NEBL: variants seen among roughly 807,000 people sequenced by gnomAD.
NEBL encodes the protein nebulette.
NEBL carries 122 observed loss-of-function variants against 140.2 expected under a neutral mutation model. The ratio of observed to expected loss-of-function variants is 0.87; its 90% CI spans 0.75 to 1.01. The LOEUF (loss-of-function observed/expected upper bound fraction) is 1.01, where lower values mean the gene tolerates loss of function less well. Ranked by LOEUF, NEBL falls within the 50% of genes least tolerant of loss-of-function variation. The probability of loss-of-function intolerance (pLI) is 0.00; values close to 1 mark genes in which losing one functional copy is unlikely to be tolerated. For synonymous variants in NEBL, 436 were observed against 398.9 expected, an observed-to-expected ratio of 1.09 and a Z score of -1.11; for missense variants, 1,365 against 1,231.3, an observed-to-expected ratio of 1.11 and a Z score of -1.62.
At chr10:20,957,572 C>G (rs576745650) in intron 4 of NEBL, among the ~76,000 whole-genome samples, 7 of 152,076 alleles carry the variant, frequency 4.6e-5, no homozygotes, top group African/African-American at 1.7e-4. Context: ...AGACATTAGT[C>G]TATACTGATC....
In NEBL at chr10:20,997,471, TAAAAAAAAAAAAAAAAAAAAAAAAAAAA is replaced by T. The variant is rs55712388; in HGVS notation, c.249+22618_249+22645del. On this transcript the variant is annotated intron_variant, in intron 3 of 6. Transcript: ENST00000417816. ...ACACCAAATAAACGCACAGTCTCAGTAAAAAAAAAAAAAAAAAAAAAAAAAAAAAAAAAAAAAAAAAAACAGAACTCCT... is the reference window on the plus strand; with the variant it reads ...ACACCAAATAAACGCACAGTCTCAGTAAAAAAAAAAAAAAACAGAACTCCT... Among the ~76,000 whole-genome samples the T allele has an allele frequency of 8.3e-4, 21 of 25,178 alleles. No homozygotes were observed. The South Asian group carries it at 0.019, about 22-fold the overall frequency. The allele number at this position is 25,178 out of a possible 152,430, so 16.5% of individuals were successfully genotyped here.
intron 3 of NEBL, among the ~76,000 whole-genome samples, chr10:21,198,114 T>C (rs544837726): frequency 6.6e-6 from 1 of 152,242 alleles, no homozygotes; most frequent in South Asian, 2.1e-4. Flanking sequence ...TGTAGCATCA[T>C]ACCTTACAGT....
chr10:21,042,171 C>T (rs1208937081), intron 2 of NEBL, among the ~76,000 whole-genome samples: 1 of 152,218 alleles, frequency 6.6e-6, no homozygotes, highest in Non-Finnish European at 1.5e-5. Context: ...GTGCTAGGTA[C>T]TCCTCCAAGG....
intron 2 of NEBL, among the ~76,000 whole-genome samples, chr10:21,052,087 G>A (rs1428749846): frequency 6.6e-6 from 1 of 151,766 alleles, no homozygotes; most frequent in East Asian, 1.9e-4. Flanking sequence ...ATGATAAAAA[G>A]TTTAAAAAAA....
At chr10:20,830,466 T>C (rs1331588683) in intron 16 of NEBL, among the ~76,000 whole-genome samples, 1 of 152,184 alleles carries the variant, frequency 6.6e-6, no homozygotes. Flanking sequence ...TTGTGGTCAC[T>C]ACTTCTCCCA....
At chr10:21,245,160 T>C (rs1192024117) in intron 3 of NEBL, among the ~76,000 whole-genome samples, 1 of 152,036 alleles carries the variant, frequency 6.6e-6, no homozygotes, top group African/African-American at 2.4e-5. Flanking sequence ...CAAGACTCTT[T>C]CTCAAAAAAT....
intron 2 of NEBL, among the ~76,000 whole-genome samples, chr10:21,171,204 G>A (rs546057235): frequency 9.3e-4 from 141 of 152,052 alleles, no homozygotes; most frequent in African/African-American, 3.1e-3. Context: ...GCATGGTGGC[G>A]CATGCTTGTA....
intron 2 of NEBL, among the ~76,000 whole-genome samples, chr10:21,103,239 G>A (rs1288208000): frequency 4.8e-5 from 7 of 146,230 alleles, no homozygotes; most frequent in Admixed American, 4.1e-4. Flanking sequence ...TTGAGATGGA[G>A]TCTCACTCTG....
intron 5 of NEBL, among the ~76,000 whole-genome samples, chr10:20,872,165 G>A (rs532761462): frequency 3.3e-5 from 5 of 152,226 alleles, no homozygotes; most frequent in Non-Finnish European, 4.4e-5. Flanking sequence ...TAATGACTGC[G>A]TGAAGAGAGG....
intron 2 of NEBL, among the ~76,000 whole-genome samples, chr10:21,073,891 G>A (rs954793104): frequency 3.3e-5 from 5 of 151,974 alleles, no homozygotes; most frequent in Non-Finnish European, 5.9e-5. Flanking sequence ...TGGCTAACAC[G>A]GTGAAACCCC....
intron 2 of NEBL, among the ~76,000 whole-genome samples, chr10:21,065,030 C>T (rs752259740): frequency 2.0e-5 from 3 of 152,092 alleles, no homozygotes; most frequent in Non-Finnish European, 4.4e-5. Flanking sequence ...AGTAGTTCTC[C>T]ATATATACCT....
intron 1 of NEBL, among the ~76,000 whole-genome samples, chr10:21,255,791 A>T (rs1266573759): frequency 1.3e-5 from 2 of 151,932 alleles, no homozygotes; most frequent in Non-Finnish European, 2.9e-5. Context: ...AGGTCAGGAG[A>T]TCGAGACCAG....
intron 15 of NEBL, 65 bp downstream of exon 15, chr10:20,831,407 CT>C: frequency 6.6e-7 from 1 of 1,508,070 alleles, no homozygotes; most frequent in Admixed American, 1.7e-5. Context: ...GGAAAGAAAA[CT>C]TATGCTCTTT....
chr10:20,975,867 G>A (rs146297105), intron 3 of NEBL, among the ~76,000 whole-genome samples: 1 of 152,200 alleles, frequency 6.6e-6, no homozygotes, highest in Non-Finnish European at 1.5e-5. Context: ...TTAGATAGAG[G>A]TGTTATTTAA....
chr10:21,161,757 A>C (rs781164966), intron 2 of NEBL, among the ~76,000 whole-genome samples: 13 of 152,198 alleles, frequency 8.5e-5, no homozygotes, highest in Non-Finnish European at 5.9e-5. Context: ...GTAAAGAGGC[A>C]ACCCATCAAA....
intron 1 of NEBL, among the ~76,000 whole-genome samples, chr10:21,275,727 G>A (rs1842913330): frequency 7.0e-6 from 1 of 143,120 alleles, no homozygotes; most frequent in South Asian, 2.2e-4. Context: ...CGCAACCTCT[G>A]CCTCCTGGGT....
chr10:20,954,137 T>C (rs1589069378), intron 4 of NEBL, among the ~76,000 whole-genome samples: 1 of 152,118 alleles, frequency 6.6e-6, no homozygotes, highest in African/African-American at 2.4e-5. Flanking sequence ...TACTTTGTGC[T>C]AGACAATGAC....
At chr10:21,019,455 T>C (rs1241407562) in intron 3 of NEBL, among the ~76,000 whole-genome samples, 8 of 152,238 alleles carry the variant, frequency 5.3e-5, no homozygotes, top group Non-Finnish European at 1.0e-4. Flanking sequence ...TGTCTTACTA[T>C]GGGGTGCCAG....
intron 4 of NEBL, among the ~76,000 whole-genome samples, chr10:20,906,899 T>C (rs916193616): frequency 8.5e-5 from 13 of 152,256 alleles, no homozygotes; most frequent in African/African-American, 3.1e-4. Flanking sequence ...GAAATATCTA[T>C]GATTATCTAC....
Sources: allele counts gnomAD v4.1 joint callset (sites outside exome capture counted in the v4.1 genomes callset), GRCh38; gene constraint gnomAD v4.1.1; transcripts MANE v1.5; gene names NCBI Gene and HGNC (gene_info 2026-07-23, HGNC 2026-07-21).